Variants in PCDH15 observed in about 807,000 individuals in gnomAD.
The protein encoded by PCDH15 is protocadherin related 15.
PCDH15 carries 129 observed loss-of-function variants against 178.5 expected under a neutral mutation model. That is an observed-to-expected ratio of 0.72 (90% CI 0.63 to 0.84). The LOEUF is 0.84. Among genes scored for constraint, PCDH15 ranks in the 40% least tolerant of loss-of-function variants. The probability of loss-of-function intolerance (pLI) is 0.00; values close to 1 mark genes in which losing one functional copy is unlikely to be tolerated. For missense variants in PCDH15, 2,230 were observed against 2,099.9 expected (o/e 1.06, Z -1.21); for synonymous variants, 800 against 732.0 (o/e 1.09, Z -1.50).
chr10:55,595,445 T>C (rs1483407081), intron 2 of PCDH15, among the ~76,000 whole-genome samples: 36 of 152,186 alleles, frequency 2.4e-4, no homozygotes, highest in Non-Finnish European at 2.4e-4. Context: ...TGCACATTAA[T>C]AGAAACTGGA....
In PCDH15 at chr10:54,777,511, C is replaced by G. The variant is rs1202161292; in HGVS notation, c.-29+23414G>C. Among the ~76,000 whole-genome samples the G allele has an allele frequency of 2.0e-5, 3 of 152,252 alleles. No individual in the cohort carries two copies. In the East Asian group the frequency reaches 5.8e-4, roughly 29 times the overall value. ...GAGGATTTCAAGGATATGAGGCGCT[C>G]TCATCACAATAAAGCAGACATTCCC... is the stretch of plus-strand genomic sequence containing the variant. On this transcript the variant is annotated intron_variant, in intron 1 of 37. Transcript: ENST00000644397.
At chr10:55,271,266 T>TA (rs1409675296) in intron 1 of PCDH15, among the ~76,000 whole-genome samples, 1 of 151,970 alleles carries the variant, frequency 6.6e-6, no homozygotes, top group Non-Finnish European at 1.5e-5. Context: ...AGTTGAATTT[T>TA]AAAAAAGACA....
At chr10:55,195,251 T>G (rs1840055213) in intron 1 of PCDH15, among the ~76,000 whole-genome samples, 1 of 151,840 alleles carries the variant, frequency 6.6e-6, no homozygotes, top group Admixed American at 6.6e-5. Context: ...CTCGAATTCC[T>G]GACTCAAGTG....
chr10:54,865,440 A>T (rs1953922389), intron 3 of PCDH15, among the ~76,000 whole-genome samples: 1 of 152,194 alleles, frequency 6.6e-6, no homozygotes, highest in African/African-American at 2.4e-5. Flanking sequence ...TTTGGAACTC[A>T]GACTGAGCCA....
chr10:54,791,866 C>T (rs1010672064), intron 1 of PCDH15, among the ~76,000 whole-genome samples: 1 of 151,898 alleles, frequency 6.6e-6, no homozygotes, highest in Non-Finnish European at 1.5e-5. Flanking sequence ...TCTCATCTAC[C>T]TGTTGACTAT....
intron 1 of PCDH15, among the ~76,000 whole-genome samples, chr10:55,260,243 C>T (rs1842114969): frequency 6.6e-6 from 1 of 151,730 alleles, no homozygotes; most frequent in South Asian, 2.1e-4. Context: ...GAGTCATTTT[C>T]ACCATGTTGG....
chr10:54,648,531 CAATTTTGTATAAAGCTATGT>C (rs1466823101), intron 2 of PCDH15, among the ~76,000 whole-genome samples: 2 of 151,956 alleles, frequency 1.3e-5, no homozygotes, highest in African/African-American at 2.4e-5. Flanking sequence ...TAAAGCTATG[CAATTTTGTATAAAGCTATGT>C]AATTTTGTGT....
intron 2 of PCDH15, among the ~76,000 whole-genome samples, chr10:55,614,012 G>A (rs1206989320): frequency 6.6e-6 from 1 of 151,934 alleles, no homozygotes; most frequent in African/African-American, 2.4e-5. Context: ...TACTCGGGAG[G>A]CTGAGGTGGG....
rs533811421 is a variant in PCDH15 at position 54,386,520 on chromosome 10, C to T, written c.158-7578G>A. Among the ~76,000 whole-genome samples, 64 of 152,112 alleles carry T rather than the reference C, an allele frequency of 4.2e-4. 1 individual carries two copies. Among genetic ancestry groups the T allele is most frequent in the African/African-American group, 1.4e-3 (60 of 41,506 alleles). ...TATTATTCAAATATTAATCAGAGAA[C>T]CACCTGAAAGTGATTATCTACTTTC... On this transcript the variant is annotated intron_variant, in intron 3 of 37. Coordinates refer to ENST00000644397, the MANE Select transcript of PCDH15 (RefSeq NM_001384140.1).
intron 25 of PCDH15, among the ~76,000 whole-genome samples, chr10:53,932,730 C>G (rs999393721): frequency 6.6e-6 from 1 of 152,140 alleles, no homozygotes; most frequent in African/African-American, 2.4e-5. Flanking sequence ...GAGTGTTAAA[C>G]TCTGTTACTG....
chr10:54,746,123 C>T (rs537845845), intron 1 of PCDH15, among the ~76,000 whole-genome samples: 122 of 152,196 alleles, frequency 8.0e-4, no homozygotes, highest in Middle Eastern at 6.8e-3. Context: ...CAGCACTATT[C>T]GCATTTTGGG....
At chr10:53,854,290 T>C (rs2078583866) in intron 28 of PCDH15, among the ~76,000 whole-genome samples, 1 of 151,948 alleles carries the variant, frequency 6.6e-6, no homozygotes, top group Non-Finnish European at 1.5e-5. Context: ...GTTTAATGGG[T>C]ACCAAATTTC....
intron 2 of PCDH15, among the ~76,000 whole-genome samples, chr10:55,114,735 T>G (rs903519778): frequency 1.3e-5 from 2 of 152,280 alleles, no homozygotes; most frequent in African/African-American, 4.8e-5. Context: ...AGCTACAAGA[T>G]GGAAAGGGTC....
intron 3 of PCDH15, among the ~76,000 whole-genome samples, chr10:54,824,362 A>C (rs1354800375): frequency 2.0e-5 from 3 of 152,184 alleles, no homozygotes; most frequent in Non-Finnish European, 4.4e-5. Context: ...AACTCATCAG[A>C]GAAGAAAAAA....
intron 3 of PCDH15, among the ~76,000 whole-genome samples, chr10:54,815,530 A>C (rs1428743480): frequency 2.0e-5 from 3 of 152,158 alleles, no homozygotes; most frequent in African/African-American, 7.2e-5. Flanking sequence ...GAGGTGGATC[A>C]TCTCTGCATC....
chr10:55,014,811 T>G (rs1840131830), intron 2 of PCDH15, among the ~76,000 whole-genome samples: 1 of 152,178 alleles, frequency 6.6e-6, no homozygotes, highest in Admixed American at 6.5e-5. Flanking sequence ...TAATTGAAAT[T>G]AGTCCTCCAA....
intron 2 of PCDH15, among the ~76,000 whole-genome samples, chr10:54,639,142 T>C (rs1252917561): frequency 6.6e-6 from 1 of 152,176 alleles, no homozygotes; most frequent in African/African-American, 2.4e-5. Flanking sequence ...TAGCTGTGCT[T>C]GATGTTTTCT....
chr10:54,097,221 T>C (rs1317927878), intron 15 of PCDH15, among the ~76,000 whole-genome samples: 1 of 152,240 alleles, frequency 6.6e-6, no homozygotes, highest in African/African-American at 2.4e-5. Flanking sequence ...AATTTTTAAC[T>C]GTACCTAATT....
At chr10:54,323,200 A>C (rs1229916478) in intron 7 of PCDH15, among the ~76,000 whole-genome samples, 2 of 152,148 alleles carry the variant, frequency 1.3e-5, no homozygotes, top group Non-Finnish European at 2.9e-5. Context: ...TATTATTAAA[A>C]AGTCAAAAAA....
Sources: allele counts gnomAD v4.1 joint callset (sites outside exome capture counted in the v4.1 genomes callset), GRCh38; gene constraint gnomAD v4.1.1; transcripts MANE v1.5; gene names NCBI Gene and HGNC (gene_info 2026-07-23, HGNC 2026-07-21).